The following TMEM266 variants were observed in gnomAD, a reference collection of about 807,000 sequenced individuals.
The protein encoded by TMEM266 is transmembrane protein 266.
A neutral mutation model predicts 50.5 loss-of-function variants in TMEM266; 33 were observed. The observed-to-expected ratio is 0.65, with a 90% CI of 0.50 to 0.87. The LOEUF is 0.87. TMEM266 is among the 40% of genes least tolerant of loss of function. The probability of loss-of-function intolerance (pLI) is 0.00; values close to 1 mark genes in which losing one functional copy is unlikely to be tolerated. For missense variants in TMEM266, 655 were observed against 695.1 expected (o/e 0.94, Z 0.65); for synonymous variants, 310 against 292.3 (o/e 1.06, Z -0.62).
At chr15:76,203,479 G>A (rs2038782945) in intron 10 of TMEM266, among the ~76,000 whole-genome samples, 3 of 152,170 alleles carry the variant, frequency 2.0e-5, no homozygotes. Flanking sequence ...AGTGCCACAG[G>A]TCACTTCTCA....
In TMEM266 at chr15:76,192,162, G is replaced by C; in HGVS notation, c.958+5G>C. 1 of 1,395,546 alleles carries C rather than the reference G, an allele frequency of 7.2e-7. No homozygotes were observed. Among genetic ancestry groups the C allele is most frequent in the South Asian group, 1.6e-5 (1 of 62,830 alleles). The allele number at this position is 1,395,546 out of a possible 1,614,324, so 86.4% of individuals were successfully genotyped here. The stretch of plus-strand genomic sequence containing the variant: ...AGGAGCTGCAGCCCTCGCAAGGTAA[G>C]CCCGGGTCTCCACCCGGCCCCAGAG... On this transcript the variant is annotated splice_donor_5th_base_variant and intron_variant, in intron 9 of 10. Transcript: ENST00000388942.
intron 8 of TMEM266, among the ~76,000 whole-genome samples, chr15:76,179,510 G>A (rs1318400792): frequency 1.3e-5 from 2 of 152,166 alleles, no homozygotes; most frequent in Non-Finnish European, 2.9e-5. Flanking sequence ...AGCCCATCAC[G>A]TTGAGCCTCC....
intron 1 of TMEM266, among the ~76,000 whole-genome samples, chr15:76,088,069 C>A (rs1477542697): frequency 6.6e-6 from 1 of 152,202 alleles, no homozygotes; most frequent in African/African-American, 2.4e-5. Context: ...TCAAAGCACC[C>A]TCAGCATGGC....
chr15:76,187,072 G>A (rs1263574947), intron 8 of TMEM266, among the ~76,000 whole-genome samples: 1 of 152,232 alleles, frequency 6.6e-6, no homozygotes, highest in African/African-American at 2.4e-5. Flanking sequence ...TGCAAGCTGA[G>A]AAAGGCATTT....
intron 1 of TMEM266, among the ~76,000 whole-genome samples, chr15:76,088,592 C>T (rs568261149): frequency 2.9e-4 from 43 of 149,768 alleles, no homozygotes; most frequent in African/African-American, 7.6e-4. Flanking sequence ...GTTAGGAGAT[C>T]GAGACCATCC....
At chr15:76,203,085 T>C (rs917238875) in intron 10 of TMEM266, among the ~76,000 whole-genome samples, 2 of 152,058 alleles carry the variant, frequency 1.3e-5, no homozygotes, top group Non-Finnish European at 2.9e-5. Flanking sequence ...AGCCCCGTGG[T>C]ACATCTCACC....
At chr15:76,119,391 C>CAAAAAAAAAA (rs57532855) in intron 1 of TMEM266, among the ~76,000 whole-genome samples, 3 of 109,696 alleles carry the variant, frequency 2.7e-5, no homozygotes, top group Non-Finnish European at 4.0e-5. Context: ...GGGTTTATGG[C>CAAAAAAAAAA]AAAAAAAAAA....
intron 1 of TMEM266, among the ~76,000 whole-genome samples, chr15:76,109,408 A>C (rs2959833): frequency 0.044 from 6,714 of 152,320 alleles, 482 homozygotes; most frequent in African/African-American, 0.15. Context: ...GAATAAATGC[A>C]TAAAGAAAGG....
In TMEM266 at chr15:76,204,362, G is replaced by T; in HGVS notation, c.*47G>T. 6.5e-7 allele frequency: 1 copy of T among 1,529,820 alleles called. No homozygotes were observed. The highest frequency in any genetic ancestry group is 8.9e-7 in the Non-Finnish European group (1 of 1,127,910). The allele number at this position is 1,529,820 out of a possible 1,614,324, so 94.8% of individuals were successfully genotyped here. A position where few individuals can be genotyped will look rare whatever the true frequency, so the allele number is the denominator to read the frequency against. ...GATGAGGGGAGACAGCCATCTCAAA[G>T]CTCTCCTGGGACCCTGGAGGCTGCC... On this transcript the variant is annotated 3_prime_UTR_variant, in exon 11 of 11. Transcript: ENST00000388942.
At chr15:76,076,100 C>G (rs1444106612) in intron 1 of TMEM266, among the ~76,000 whole-genome samples, 2 of 151,662 alleles carry the variant, frequency 1.3e-5, no homozygotes, top group African/African-American at 4.9e-5. Flanking sequence ...TCAAGTGATC[C>G]TCCTGTCTAG....
At chr15:76,197,865 A>G (rs758171398) in intron 9 of TMEM266, among the ~76,000 whole-genome samples, 1 of 151,962 alleles carries the variant, frequency 6.6e-6, no homozygotes. Context: ...CTTTCTCTCC[A>G]CCTCTGCCTC....
chr15:76,092,039 G>A (rs1162022599), intron 1 of TMEM266, among the ~76,000 whole-genome samples: 11 of 151,926 alleles, frequency 7.2e-5, no homozygotes, highest in Non-Finnish European at 1.5e-4. Context: ...AAAAGTCATG[G>A]ATCAAATATG....
chr15:76,201,012 G>A (rs2038737416), intron 9 of TMEM266, among the ~76,000 whole-genome samples: 1 of 152,154 alleles, frequency 6.6e-6, no homozygotes, highest in South Asian at 2.1e-4. Flanking sequence ...AACACAGTGG[G>A]TCTGCTGACC....
At chr15:76,102,261 G>C (rs1189389130) in intron 1 of TMEM266, among the ~76,000 whole-genome samples, 2 of 152,118 alleles carry the variant, frequency 1.3e-5, no homozygotes, top group African/African-American at 2.4e-5. Flanking sequence ...TGAAATCCCT[G>C]CTTCCAAGTA....
chr15:76,157,187 T>C (rs2037940879), intron 4 of TMEM266, among the ~76,000 whole-genome samples: 2 of 152,226 alleles, frequency 1.3e-5, no homozygotes, highest in African/African-American at 4.8e-5. Context: ...ACAGTGATGA[T>C]AAGATTCCTG....
rs576885291 is a variant in TMEM266, at chr15:76,154,422, C to T, written c.228-2182C>T. ...AAAGATGTGGTTCTGCAATGGACTT[C>T]GAAATCCACCTGGAGTGGGCGATGG... On this transcript the variant is annotated intron_variant, in intron 3 of 10. Transcript: ENST00000388942. Among the ~76,000 whole-genome samples the T allele has an allele frequency of 5.3e-5, 8 of 152,172 alleles. No homozygotes were observed. The South Asian group carries it at 1.7e-3, about 32-fold the overall frequency.
intron 1 of TMEM266, among the ~76,000 whole-genome samples, chr15:76,127,001 A>T (rs1240179608): frequency 6.6e-6 from 1 of 152,154 alleles, no homozygotes; most frequent in East Asian, 1.9e-4. Flanking sequence ...CTAATATATT[A>T]GGTCTGTGAC....
intron 3 of TMEM266, among the ~76,000 whole-genome samples, chr15:76,141,331 G>T (rs997669258): frequency 6.6e-6 from 1 of 151,534 alleles, no homozygotes; most frequent in African/African-American, 2.4e-5. Context: ...CGTCTCCCAG[G>T]TTTAAGCGAT....
At chr15:76,108,115 C>T (rs767462965) in intron 1 of TMEM266, among the ~76,000 whole-genome samples, 11 of 152,366 alleles carry the variant, frequency 7.2e-5, no homozygotes, top group African/African-American at 2.2e-4. Flanking sequence ...GCTCATTGCA[C>T]GGGGGCACCA....
Sources: gnomAD v4.1 joint callset for allele counts (sites outside exome capture counted in the v4.1 genomes callset) on GRCh38, gnomAD v4.1.1 for gene constraint, MANE v1.5 for transcripts, NCBI Gene and HGNC (gene_info 2026-07-23, HGNC 2026-07-21) for gene names.